The following ADAMTSL1 variants were observed in gnomAD, a reference collection of about 807,000 sequenced individuals.
ADAMTSL1 encodes the protein ADAMTS-like protein 1.
Under a neutral mutation model 201.8 loss-of-function variants are expected in ADAMTSL1, and 126 were observed. The observed-to-expected ratio is 0.62, with a 90% CI of 0.54 to 0.72. The LOEUF is 0.72. Ranked by LOEUF, ADAMTSL1 falls within the 30% of genes least tolerant of loss-of-function variation. ADAMTSL1 has a pLI of 0.00. For synonymous variants in ADAMTSL1, 1,121 were observed against 903.4 expected, an observed-to-expected ratio of 1.24 and a Z score of -4.32; for missense variants, 2,679 against 2,277.8, an observed-to-expected ratio of 1.18 and a Z score of -3.59.
At chr9:18,595,877 C>T (rs909181160) in intron 4 of ADAMTSL1, among the ~76,000 whole-genome samples, 1 of 152,174 alleles carries the variant, frequency 6.6e-6, no homozygotes, top group Non-Finnish European at 1.5e-5. Flanking sequence ...GATCTGTCAG[C>T]TGGGTATTGG....
At chr9:17,978,718 T>C (rs903002296) in intron 1 of ADAMTSL1, among the ~76,000 whole-genome samples, 3 of 152,158 alleles carry the variant, frequency 2.0e-5, no homozygotes, top group African/African-American at 7.2e-5. Flanking sequence ...ATTATTACCA[T>C]TACAGTATTA....
chr9:18,826,329 T>G lies in ADAMTSL1; in HGVS notation c.3980T>G (p.Leu1327Arg). ...ACTTGGTTCAGGAATAAAAGCAAACTGGGCTCCCCGCACCATCTGCACGAA... is the reference window on the plus strand; with the variant it reads ...ACTTGGTTCAGGAATAAAAGCAAACGGGGCTCCCCGCACCATCTGCACGAA... ...EVTWFRNKSK[L>R]GSPHHLHEGS... The change falls in exon 22 of 29, where the codon CTG (leucine) becomes CGG (arginine). Residue 1327 changes from leucine to arginine, a missense_variant. Transcript: ENST00000380548. The G allele has an allele frequency of 6.2e-7, 1 of 1,613,340 alleles. No individual in the cohort carries two copies. Among genetic ancestry groups the G allele is most frequent in the Non-Finnish European group, 8.5e-7 (1 of 1,179,722 alleles).
chr9:18,076,284 A>G (rs1823220973), intron 1 of ADAMTSL1, among the ~76,000 whole-genome samples: 1 of 152,244 alleles, frequency 6.6e-6, no homozygotes, highest in African/African-American at 2.4e-5. Flanking sequence ...GTGCTACCGG[A>G]TTAATACATT....
chr9:18,696,634 C>T (rs556686275), intron 13 of ADAMTSL1, among the ~76,000 whole-genome samples: 1 of 152,026 alleles, frequency 6.6e-6, no homozygotes, highest in Admixed American at 6.6e-5. Context: ...TCAAGGTATG[C>T]GTGGCAGCCC....
chr9:18,175,494 C>T (rs1367159709), intron 2 of ADAMTSL1, among the ~76,000 whole-genome samples: 1 of 152,166 alleles, frequency 6.6e-6, no homozygotes, highest in Non-Finnish European at 1.5e-5. Context: ...CACAATTTAA[C>T]ATCAAAACAC....
chr9:18,660,181 G>A (rs1158305807), intron 8 of ADAMTSL1, among the ~76,000 whole-genome samples: 1 of 152,194 alleles, frequency 6.6e-6, no homozygotes, highest in Non-Finnish European at 1.5e-5. Flanking sequence ...TATGAAGCCA[G>A]GATAAAAGGA....
chr9:18,671,827 G>A (rs186367135), intron 9 of ADAMTSL1, among the ~76,000 whole-genome samples: 1 of 152,212 alleles, frequency 6.6e-6, no homozygotes, highest in African/African-American at 2.4e-5. Flanking sequence ...CACGAGGGCA[G>A]GAGATCGAGA....
At chr9:18,449,820 A>G (rs1177821484) in intron 2 of ADAMTSL1, among the ~76,000 whole-genome samples, 1 of 152,228 alleles carries the variant, frequency 6.6e-6, no homozygotes, top group Non-Finnish European at 1.5e-5. Context: ...CAGTAAAACC[A>G]CAATAATACA....
chr9:18,049,120 A>G (rs972466085), intron 1 of ADAMTSL1, among the ~76,000 whole-genome samples: 4 of 152,184 alleles, frequency 2.6e-5, no homozygotes, highest in African/African-American at 9.7e-5. Context: ...GACACCAGTC[A>G]TGGGTTTATG....
At chr9:18,664,060 A>C (rs1187590671) in intron 9 of ADAMTSL1, among the ~76,000 whole-genome samples, 1 of 152,138 alleles carries the variant, frequency 6.6e-6, no homozygotes, top group Non-Finnish European at 1.5e-5. Flanking sequence ...GAAAAGGGAA[A>C]AGAAAAAATA....
At chr9:18,804,115 T>C (rs1822962893) in intron 20 of ADAMTSL1, among the ~76,000 whole-genome samples, 1 of 152,172 alleles carries the variant, frequency 6.6e-6, no homozygotes, top group Non-Finnish European at 1.5e-5. Flanking sequence ...ACCCAAGAGT[T>C]CTATGAATCT....
At chr9:18,279,323 A>T (rs1017184466) in intron 2 of ADAMTSL1, among the ~76,000 whole-genome samples, 1 of 152,074 alleles carries the variant, frequency 6.6e-6, no homozygotes, top group African/African-American at 2.4e-5. Flanking sequence ...TTAAAAAAAA[A>T]ATCTGTGCAG....
intron 1 of ADAMTSL1, among the ~76,000 whole-genome samples, chr9:18,140,838 G>T (rs983230): frequency 0.42 from 64,456 of 151,866 alleles, 14,111 homozygotes; most frequent in Admixed American, 0.53. Context: ...AAGCAGTAAT[G>T]GAAATAAAGA....
intron 4 of ADAMTSL1, among the ~76,000 whole-genome samples, chr9:18,583,234 C>T (rs1297270621): frequency 6.6e-6 from 1 of 152,178 alleles, no homozygotes; most frequent in African/African-American, 2.4e-5. Flanking sequence ...TGTGTGCACC[C>T]TAGGGACTTG....
At position 18,401,992 on chromosome 9, in the gene ADAMTSL1, G is replaced by A. The variant is rs567431892; in HGVS notation, c.208-102837G>A. On this transcript the variant is annotated intron_variant, in intron 2 of 29. Transcript: ENST00000680146. ...ATATCGCAGAGTCAATTATATCTATGGGAAGGAAAGCAGATTTCTTGTGAG... is the reference window on the plus strand; with the variant it reads ...ATATCGCAGAGTCAATTATATCTATAGGAAGGAAAGCAGATTTCTTGTGAG... Among the ~76,000 whole-genome samples the A allele has an allele frequency of 5.3e-5, 8 of 152,254 alleles. No individual in the cohort carries two copies. The South Asian group carries it at 1.7e-3, about 32-fold the overall frequency.
intron 1 of ADAMTSL1, among the ~76,000 whole-genome samples, chr9:18,495,573 T>A (rs938858017): frequency 1.3e-5 from 2 of 152,132 alleles, no homozygotes. Context: ...AACTGCAAAA[T>A]TTGCCAGAGT....
intron 26 of ADAMTSL1, among the ~76,000 whole-genome samples, chr9:18,903,066 G>A (rs1265175216): frequency 6.6e-6 from 1 of 152,140 alleles, no homozygotes; most frequent in Non-Finnish European, 1.5e-5. Context: ...TTAGCCAGGT[G>A]TGTTGGTGGG....
chr9:18,899,111 A>AAAT (rs1386745789), intron 26 of ADAMTSL1, among the ~76,000 whole-genome samples: 3 of 152,222 alleles, frequency 2.0e-5, no homozygotes, highest in African/African-American at 7.2e-5. Context: ...CCAGGATACA[A>AAAT]AATTAATGTG....
At chr9:17,944,913 T>A (rs1248939808) in intron 1 of ADAMTSL1, among the ~76,000 whole-genome samples, 2 of 90,918 alleles carry the variant, frequency 2.2e-5, no homozygotes, top group South Asian at 8.7e-4. Flanking sequence ...GGGCAAGGAC[T>A]TCATGTCTAA....
Sources: gnomAD v4.1 joint callset for allele counts (sites outside exome capture counted in the v4.1 genomes callset) on GRCh38, gnomAD v4.1.1 for gene constraint, MANE v1.5 for transcripts, NCBI Gene and HGNC (gene_info 2026-07-23, HGNC 2026-07-21) for gene names.